The following DNAH7 variants were observed in gnomAD, a reference collection of about 807,000 sequenced individuals.
DNAH7 encodes axonemal beta dynein heavy chain 7.
Under a neutral mutation model 444.6 loss-of-function variants are expected in DNAH7, and 397 were observed. The observed-to-expected ratio is 0.89, with a 90% CI of 0.82 to 0.97. The LOEUF (loss-of-function observed/expected upper bound fraction) is 0.97, where lower values mean the gene tolerates loss of function less well. Among genes scored for constraint, DNAH7 ranks in the 50% least tolerant of loss-of-function variants. The pLI, the probability that DNAH7 is intolerant of heterozygous loss-of-function variation, is 0.00. For missense variants in DNAH7, 4,902 were observed against 4,800.8 expected, an observed-to-expected ratio of 1.02 and a Z score of -0.62; for synonymous variants, 1,636 against 1,624.4, an observed-to-expected ratio of 1.01 and a Z score of -0.17.
At chr2:195,978,058 C>T (rs980035018) in intron 15 of DNAH7, among the ~76,000 whole-genome samples, 1 of 151,974 alleles carries the variant, frequency 6.6e-6, no homozygotes, top group Non-Finnish European at 1.5e-5. Context: ...TCTGAAGGTA[C>T]AAAACTCATC....
intron 15 of DNAH7, among the ~76,000 whole-genome samples, chr2:195,981,574 C>G (rs1360183947): frequency 6.6e-6 from 1 of 152,094 alleles, no homozygotes; most frequent in African/African-American, 2.4e-5. Context: ...TACTATAGAG[C>G]TACAGTAACC....
At chr2:196,037,025 C>T (rs954115628) in intron 5 of DNAH7, among the ~76,000 whole-genome samples, 1 of 152,134 alleles carries the variant, frequency 6.6e-6, no homozygotes, top group African/African-American at 2.4e-5. Context: ...CCCCATGTAC[C>T]ACCTAGGGAC....
intron 56 of DNAH7, among the ~76,000 whole-genome samples, chr2:195,796,091 G>T (rs1253545379): frequency 6.6e-6 from 1 of 152,160 alleles, no homozygotes; most frequent in Non-Finnish European, 1.5e-5. Context: ...CTGCAAGGTG[G>T]GTGGGAACAG....
rs568175919 is a variant in DNAH7, at chr2:195,909,893, T to C, written c.4104+134A>G. 64 of 889,386 alleles carry C rather than the reference T, an allele frequency of 7.2e-5. 1 individual carries two copies. In the South Asian group the frequency reaches 1.1e-3, roughly 16 times the overall value. 55.1% of individuals were successfully genotyped at this position (889,386 alleles called of 1,614,324 possible). ...ATAACCTTATTTCCTTTAAGAATTA[T>C]TGAGATAGTGCTTCAATTTTTACTT... On this transcript the variant is annotated intron_variant, in intron 25 of 64. Coordinates refer to ENST00000312428, the MANE Select transcript of DNAH7 (RefSeq NM_018897.3).
At chr2:196,013,670 A>G (rs1694846181) in intron 9 of DNAH7, among the ~76,000 whole-genome samples, 1 of 152,228 alleles carries the variant, frequency 6.6e-6, no homozygotes, top group Admixed American at 6.5e-5. Flanking sequence ...TGTACTCCGT[A>G]CATGACATTG....
intron 1 of DNAH7, among the ~76,000 whole-genome samples, chr2:196,058,379 C>T (rs1301474059): frequency 1.3e-5 from 2 of 152,132 alleles, no homozygotes; most frequent in African/African-American, 4.8e-5. Context: ...ATAGGATACG[C>T]CAGGAGGGCG....
At chr2:195,929,364 GA>G in intron 21 of DNAH7, among the ~76,000 whole-genome samples, 1 of 152,040 alleles carries the variant, frequency 6.6e-6, no homozygotes, top group Non-Finnish European at 1.5e-5. Context: ...CACAGAACTG[GA>G]AAAAACCATT....
intron 29 of DNAH7, 64 bp from the exon 30 acceptor site, chr2:195,895,288 A>G: frequency 8.8e-7 from 1 of 1,132,308 alleles, no homozygotes; most frequent in Non-Finnish European, 1.2e-6. Context: ...AATATTTTGT[A>G]TTGATGGAAA....
chr2:195,894,248 T>C (rs1574692655), intron 30 of DNAH7: 1 of 152,096 alleles, frequency 6.6e-6, no homozygotes, highest in East Asian at 1.9e-4. Context: ...ATTAATGACA[T>C]GGGCAAATAT....
Position 195,797,102 on chromosome 2 carries a change from A to G in DNAH7, c.10354-365T>C, listed in dbSNP as rs199725433. On this transcript the variant is annotated intron_variant, in intron 55 of 64. Coordinates refer to ENST00000312428, the MANE Select transcript of DNAH7 (RefSeq NM_018897.3). ...ATCCAAATCTGAAAAGAAAACTAAA[A>G]AGAGACAGATGAACTTGTCCTGTTT... Among the ~76,000 whole-genome samples, 49 of 152,348 alleles carry G rather than the reference A, an allele frequency of 3.2e-4. No individual in the cohort carries two copies. In the East Asian group the frequency reaches 4.4e-3, roughly 14 times the overall value.
intron 19 of DNAH7, among the ~76,000 whole-genome samples, chr2:195,956,534 TCA>T (rs1307819623): frequency 2.6e-5 from 4 of 151,786 alleles, no homozygotes; most frequent in Non-Finnish European, 5.9e-5. Flanking sequence ...ACCTGTAATC[TCA>T]GTTACTTGGG....
intron 19 of DNAH7, among the ~76,000 whole-genome samples, chr2:195,947,185 C>CG (rs1252124211): frequency 6.7e-6 from 1 of 149,404 alleles, no homozygotes; most frequent in African/African-American, 2.5e-5. Flanking sequence ...TTAGTAGAGA[C>CG]GGGGTTTCAC....
intron 12 of DNAH7, among the ~76,000 whole-genome samples, chr2:195,992,135 G>A (rs578191324): frequency 6.6e-6 from 1 of 152,284 alleles, no homozygotes; most frequent in East Asian, 1.9e-4. Context: ...GAAAGTAGAG[G>A]CAGCTAACCA....
At chr2:195,921,550 CACAA>C (rs1397368560) in intron 24 of DNAH7, among the ~76,000 whole-genome samples, 3 of 152,060 alleles carry the variant, frequency 2.0e-5, no homozygotes, top group Non-Finnish European at 4.4e-5. Flanking sequence ...GCTATGAGGA[CACAA>C]AGGCCTAAGA....
At chr2:195,933,102 T>C (rs575345763) in intron 21 of DNAH7, among the ~76,000 whole-genome samples, 1 of 152,154 alleles carries the variant, frequency 6.6e-6, no homozygotes, top group Non-Finnish European at 1.5e-5. Context: ...TCAGAGGCTG[T>C]TATTGGTCTA....
chr2:195,775,965 A>T lies in DNAH7; in HGVS notation c.11083T>A (p.Tyr3695Asn). 3 of 1,614,128 alleles carry T rather than the reference A, an allele frequency of 1.9e-6. No homozygotes were observed. Among genetic ancestry groups the T allele is most frequent in the Non-Finnish European group, 2.5e-6 (3 of 1,180,024 alleles). The change falls in exon 60 of 65, where the codon TAC becomes AAC. Residue 3695 changes from tyrosine to asparagine, a missense_variant. Coordinates refer to ENST00000312428, the MANE Select transcript of DNAH7 (RefSeq NM_018897.3). ...GGGGTCAGTGGCAGAGTCTTTGTGT[A>T]TTCGATGTAGCTTTTGTGCTGCAGA... ...PSGDHKSYIE[Y>N]TKTLPLTPAP...
At chr2:195,878,758 T>TA (rs1559176231) in intron 36 of DNAH7, among the ~76,000 whole-genome samples, 1 of 152,094 alleles carries the variant, frequency 6.6e-6, no homozygotes, top group African/African-American at 2.4e-5. Flanking sequence ...GTAATTAATA[T>TA]AAAAAACTTC....
chr2:195,785,802 G>A (rs1695591359), intron 58 of DNAH7, among the ~76,000 whole-genome samples: 1 of 151,998 alleles, frequency 6.6e-6, no homozygotes, highest in African/African-American at 2.4e-5. Context: ...TACCCTACAA[G>A]TGTTCAGAAC....
At chr2:195,951,311 G>C (rs1690240809) in intron 19 of DNAH7, among the ~76,000 whole-genome samples, 1 of 152,112 alleles carries the variant, frequency 6.6e-6, no homozygotes, top group Non-Finnish European at 1.5e-5. Context: ...GAGACTGTTT[G>C]TTATGATTTC....
Sources: gnomAD v4.1 joint callset for allele counts (sites outside exome capture counted in the v4.1 genomes callset) on GRCh38, gnomAD v4.1.1 for gene constraint, MANE v1.5 for transcripts, NCBI Gene and HGNC (gene_info 2026-07-23, HGNC 2026-07-21) for gene names.